PPP1R12B: variants seen among roughly 807,000 people sequenced by gnomAD.
The protein encoded by PPP1R12B is protein phosphatase 1 regulatory subunit 12B, also known as myosin phosphatase target subunit 2.
A neutral mutation model predicts 126.1 loss-of-function variants in PPP1R12B; 76 were observed. The ratio of observed to expected loss-of-function variants is 0.60; its 90% CI spans 0.50 to 0.73. The LOEUF is 0.73. Among genes scored for constraint, PPP1R12B ranks in the 30% least tolerant of loss-of-function variants. The probability of loss-of-function intolerance (pLI) is 0.00; values close to 1 mark genes in which losing one functional copy is unlikely to be tolerated. For synonymous variants in PPP1R12B, 356 were observed against 434.7 expected (o/e 0.82, Z 2.25); for missense variants, 1,052 against 1,205.1 (o/e 0.87, Z 1.88).
chr1:202,515,679 A>G (rs1234140411), intron 18 of PPP1R12B, among the ~76,000 whole-genome samples: 1 of 152,088 alleles, frequency 6.6e-6, no homozygotes, highest in Non-Finnish European at 1.5e-5. Context: ...TCAGCCTCCC[A>G]AGTAGCTGAG....
chr1:202,582,332 A>G lies in PPP1R12B; in HGVS notation c.*1772A>G, dbSNP rs913211887. ...TACAAATCCAGTGCAAAATTAAACCATTAGTTCTTGATGATAACCTAGCAT... is the reference window on the plus strand; with the variant it reads ...TACAAATCCAGTGCAAAATTAAACCGTTAGTTCTTGATGATAACCTAGCAT... On this transcript the variant is annotated 3_prime_UTR_variant, in exon 24 of 24. Transcript: ENST00000608999. 1 of 152,650 alleles carries G rather than the reference A, an allele frequency of 6.6e-6. No homozygotes were observed. The highest frequency in any genetic ancestry group is 1.5e-5 in the Non-Finnish European group (1 of 68,046). The allele number at this position is 152,650 out of a possible 1,614,324, so 9.5% of individuals were successfully genotyped here.
chr1:202,482,064 C>G (rs1677461191), intron 13 of PPP1R12B, among the ~76,000 whole-genome samples: 1 of 151,942 alleles, frequency 6.6e-6, no homozygotes, highest in Non-Finnish European at 1.5e-5. Context: ...TTGCAAATGA[C>G]AAGATTTTAT....
At chr1:202,360,112 T>C (rs1657893886) in intron 1 of PPP1R12B, among the ~76,000 whole-genome samples, 1 of 152,210 alleles carries the variant, frequency 6.6e-6, no homozygotes, top group Admixed American at 6.5e-5. Context: ...GGTGTTAAGG[T>C]GTTCTTTTGT....
intron 5 of PPP1R12B, among the ~76,000 whole-genome samples, chr1:202,427,943 C>A (rs183309904): frequency 4.6e-5 from 7 of 151,848 alleles, no homozygotes; most frequent in Admixed American, 2.6e-4. Context: ...AGCCACCATG[C>A]CCAGCTGATT....
Position 202,430,812 on chromosome 1 carries a change from T to G in PPP1R12B, c.1001+2T>G. On this transcript the variant is annotated splice_donor_variant, in intron 7 of 23. Coordinates refer to ENST00000608999, the MANE Select transcript of PPP1R12B (RefSeq NM_002481.4). LOFTEE classifies it high-confidence loss of function. The stretch of plus-strand genomic sequence containing the variant: ...GATTCAGAGTGGGTTCTTTAAGAAG[T>G]AAGACATTTAGGCTTGAGTAATGGG... 1 of 1,611,608 alleles carries G rather than the reference T, an allele frequency of 6.2e-7. No homozygotes were observed. Among genetic ancestry groups the G allele is most frequent in the Non-Finnish European group, 8.5e-7 (1 of 1,178,368 alleles).
chr1:202,364,788 G>A (rs1425438456), intron 1 of PPP1R12B, among the ~76,000 whole-genome samples: 1 of 152,108 alleles, frequency 6.6e-6, no homozygotes, highest in East Asian at 1.9e-4. Flanking sequence ...GTGTTAGCCA[G>A]GATGATCTCG....
chr1:202,440,036 T>A (rs75648703), intron 10 of PPP1R12B: 2,203 of 153,130 alleles, frequency 0.014, 66 homozygotes, highest in African/African-American at 0.051. Context: ...AAAAAAAAAA[T>A]TTTTAACTTG....
chr1:202,483,276 AC>A (rs1677645095), intron 13 of PPP1R12B, among the ~76,000 whole-genome samples: 1 of 115,366 alleles, frequency 8.7e-6, no homozygotes, highest in Non-Finnish European at 1.9e-5. Context: ...TATGAAGAAC[AC>A]CTTTTTTTTT....
chr1:202,354,123 A>G (rs753044008), intron 1 of PPP1R12B, among the ~76,000 whole-genome samples: 69 of 152,212 alleles, frequency 4.5e-4, no homozygotes, highest in Non-Finnish European at 7.6e-4. Flanking sequence ...TAAAACTAAG[A>G]TATACTTTAT....
intron 23 of PPP1R12B, among the ~76,000 whole-genome samples, chr1:202,574,575 C>T (rs1333162638): frequency 1.3e-5 from 2 of 152,128 alleles, no homozygotes; most frequent in African/African-American, 4.8e-5. Context: ...GAGAAAGGGG[C>T]AGCAGCTAGA....
intron 18 of PPP1R12B, among the ~76,000 whole-genome samples, chr1:202,555,317 G>GT (rs1686772847): frequency 5.7e-5 from 1 of 17,430 alleles, no homozygotes; most frequent in Admixed American, 1.3e-3. Context: ...TAATTTTCCT[G>GT]TTTTAATGAA....
At chr1:202,518,249 T>C (rs1247014035) in intron 18 of PPP1R12B, among the ~76,000 whole-genome samples, 1 of 152,206 alleles carries the variant, frequency 6.6e-6, no homozygotes, top group Non-Finnish European at 1.5e-5. Context: ...GTACCTACTA[T>C]ATGGAAGGCT....
At chr1:202,500,356 G>A (rs781782413) in intron 18 of PPP1R12B, among the ~76,000 whole-genome samples, 1 of 151,990 alleles carries the variant, frequency 6.6e-6, no homozygotes, top group Non-Finnish European at 1.5e-5. Context: ...ATTAACAGAT[G>A]AACAGATAAA....
At chr1:202,395,967 G>A (rs142459441) in intron 1 of PPP1R12B, among the ~76,000 whole-genome samples, 10 of 152,218 alleles carry the variant, frequency 6.6e-5, no homozygotes, top group East Asian at 1.9e-4. Context: ...AAACCCAGTC[G>A]TATGTCCCTG....
chr1:202,386,315 GTATT>G (rs1332658040), intron 1 of PPP1R12B, among the ~76,000 whole-genome samples: 2 of 151,130 alleles, frequency 1.3e-5, no homozygotes, highest in Non-Finnish European at 2.9e-5. Context: ...GGGTTTCTGT[GTATT>G]TATTTGTTTA....
intron 8 of PPP1R12B, among the ~76,000 whole-genome samples, chr1:202,433,115 A>G (rs944724619): frequency 1.3e-5 from 2 of 152,238 alleles, no homozygotes; most frequent in African/African-American, 4.8e-5. Context: ...ATTATTAATC[A>G]TGCACAGTAT....
At chr1:202,364,767 G>A (rs1444733407) in intron 1 of PPP1R12B, among the ~76,000 whole-genome samples, 2 of 152,010 alleles carry the variant, frequency 1.3e-5, no homozygotes, top group Non-Finnish European at 1.5e-5. Context: ...TAGTAGAGAC[G>A]GGGTTTCACT....
chr1:202,465,502 A>G (rs1460553912), intron 13 of PPP1R12B, among the ~76,000 whole-genome samples: 3 of 152,146 alleles, frequency 2.0e-5, no homozygotes, highest in Admixed American at 6.5e-5. Flanking sequence ...TTTATTTTTG[A>G]TTTGAGAACC....
chr1:202,420,896 A>G (rs1453499939), intron 2 of PPP1R12B, among the ~76,000 whole-genome samples: 1 of 151,624 alleles, frequency 6.6e-6, no homozygotes, highest in African/African-American at 2.4e-5. Flanking sequence ...CTATTATACC[A>G]GGTACTAGGC....
Sources: gnomAD v4.1 joint callset for allele counts (sites outside exome capture counted in the v4.1 genomes callset) on GRCh38, gnomAD v4.1.1 for gene constraint, MANE v1.5 for transcripts, NCBI Gene and HGNC (gene_info 2026-07-23, HGNC 2026-07-21) for gene names.